The following KRIT1 variants were observed in gnomAD, a reference collection of about 807,000 sequenced individuals.
KRIT1 encodes the protein KRIT1 ankyrin repeat containing.
In KRIT1, 45 loss-of-function variants were observed where a neutral mutation model predicts 95.8. The ratio of observed to expected loss-of-function variants is 0.47; its 90% CI spans 0.37 to 0.60. The LOEUF is 0.60. KRIT1 is among the 20% of genes least tolerant of loss of function. KRIT1 has a pLI of 0.00. For missense variants in KRIT1, 788 were observed against 877.5 expected (o/e 0.90, Z 1.29); for synonymous variants, 282 against 278.8 (o/e 1.01, Z -0.11).
chr7:92,241,953 G>T, intron 4 of KRIT1, 81 bp downstream of exon 4: 1 of 824,694 alleles, frequency 1.2e-6, no homozygotes, highest in East Asian at 2.5e-5. Flanking sequence ...AACTTTACAA[G>T]ATATAATAAG....
chr7:92,203,506 CTCTTA>C (rs1271176174), intron 17 of KRIT1, among the ~76,000 whole-genome samples: 2 of 152,276 alleles, frequency 1.3e-5, no homozygotes, highest in East Asian at 3.9e-4. Flanking sequence ...GAAACTGAAC[CTCTTA>C]TCTAAGGAAA....
chr7:92,210,213 A>T (rs948191607), intron 17 of KRIT1, among the ~76,000 whole-genome samples: 9 of 152,342 alleles, frequency 5.9e-5, no homozygotes, highest in Admixed American at 5.9e-4. Flanking sequence ...TGGAATAACA[A>T]AAGATTCCAA....
intron 5 of KRIT1, 96 bp downstream of exon 5, chr7:92,240,897 A>G: frequency 1.0e-6 from 1 of 1,001,098 alleles, no homozygotes; most frequent in East Asian, 2.5e-5. Context: ...GTAAAGGAAC[A>G]TAAAAAGAAA....
chr7:92,223,132 T>C (rs567908024), intron 12 of KRIT1, among the ~76,000 whole-genome samples, 154 bp from the exon 13 acceptor site: 1 of 152,202 alleles, frequency 6.6e-6, no homozygotes, highest in Non-Finnish European at 1.5e-5. Context: ...TGGTGATATT[T>C]TAAAAACATT....
rs183052696 is a variant in KRIT1 at position 92,241,955 on chromosome 7, T to C, written c.102+79A>G. 1.5e-4 allele frequency: 129 copies of C among 835,738 alleles called. No homozygotes were observed. The East Asian group carries it at 2.7e-3, about 18-fold the overall frequency. 51.8% of individuals were successfully genotyped at this position (835,738 alleles called of 1,614,324 possible). ...GGCTTGTTAATACAACTTTACAAGA[T>C]ATAATAAGGCTTTATATGTGAATGA... On this transcript the variant is annotated intron_variant, in intron 4 of 18. Transcript: ENST00000394505.
chr7:92,212,576 T>C (rs1362927102), intron 17 of KRIT1, among the ~76,000 whole-genome samples: 1 of 152,162 alleles, frequency 6.6e-6, no homozygotes, highest in Non-Finnish European at 1.5e-5. Context: ...CATATGAGGC[T>C]ACAAGGAGAT....
Position 92,241,145 on chromosome 7 carries a change from A to G in KRIT1, c.110T>C (p.Leu37Ser), listed in dbSNP as rs757766540. The change falls in exon 5 of 19, where the codon TTG becomes TCG. Residue 37 changes from leucine to serine, a missense_variant. Leu to Ser is a moderately radical substitution (Grantham distance 145). Coordinates refer to ENST00000394505, the MANE Select transcript of KRIT1 (RefSeq NM_194454.3). ...EYRAKSYEIL[L>S]HEVPIEGQKK... ...CTGTCCTTCAATGGGAACTTCATGC[A>G]ACAAAATCTTAGATGAGAAAAACAT... The G allele has an allele frequency of 6.2e-7, 1 of 1,606,968 alleles. No homozygotes were observed. The highest frequency in any genetic ancestry group is 1.1e-5 in the South Asian group (1 of 90,804).
chr7:92,200,709 G>A lies in KRIT1; in HGVS notation c.*27C>T, dbSNP rs1394800763. The A allele has an allele frequency of 2.1e-6, 3 of 1,441,504 alleles. No homozygotes were observed. Among genetic ancestry groups the A allele is most frequent in the Admixed American group, 1.7e-5 (1 of 59,746 alleles). The allele number at this position is 1,441,504 out of a possible 1,614,324, so 89.3% of individuals were successfully genotyped here. A position where few individuals can be genotyped will look rare whatever the true frequency, so the allele number is the denominator to read the frequency against. On this transcript the variant is annotated 3_prime_UTR_variant, in exon 19 of 19. Coordinates refer to ENST00000394505, the MANE Select transcript of KRIT1 (RefSeq NM_194454.3). ...AAAAAACTCTGCATTACAAAATGTGGTGGCTTGAGTAACAGTTACTTCTCT... is the reference window on the plus strand; with the variant it reads ...AAAAAACTCTGCATTACAAAATGTGATGGCTTGAGTAACAGTTACTTCTCT...
Position 92,243,217 on chromosome 7 carries a change from C to T in KRIT1, c.-3+785G>A, listed in dbSNP as rs116033069. 3.3e-3 allele frequency among the ~76,000 whole-genome samples: 504 copies of T among 152,226 alleles called. 2 individuals are homozygous for T. Among genetic ancestry groups the T allele is most frequent in the African/African-American group, 0.011 (439 of 41,534 alleles). On this transcript the variant is annotated intron_variant, in intron 3 of 18. Coordinates refer to ENST00000394505, the MANE Select transcript of KRIT1 (RefSeq NM_194454.3). ...CCCACTAAATCTTAAGTCTCCATTG[C>T]GCAATTTCCAACAAGTGACTGAATT...
chr7:92,242,143 C>T lies in KRIT1; in HGVS notation c.-2-6G>A. The T allele has an allele frequency of 1.3e-6, 2 of 1,491,860 alleles. No individual in the cohort carries two copies. The highest frequency in any genetic ancestry group is 2.3e-5 in the South Asian group (2 of 87,778). The allele number at this position is 1,491,860 out of a possible 1,614,324, so 92.4% of individuals were successfully genotyped here. A position where few individuals can be genotyped will look rare whatever the true frequency, so the allele number is the denominator to read the frequency against. Reference sequence around the variant, plus strand: ...GTTTTCTGGATTTCCCATTGCTTTACAAAACAAATAAAAAAATCCTTTGAA... The same window carrying T: ...GTTTTCTGGATTTCCCATTGCTTTATAAAACAAATAAAAAAATCCTTTGAA... On this transcript the variant is annotated splice_region_variant and splice_polypyrimidine_tract_variant and intron_variant, in intron 3 of 18. Transcript: ENST00000394505.
At chr7:92,243,605 C>G (rs1292929726) in intron 3 of KRIT1, among the ~76,000 whole-genome samples, 5 of 152,230 alleles carry the variant, frequency 3.3e-5, no homozygotes, top group African/African-American at 1.2e-4. Flanking sequence ...AAATGTCACT[C>G]TGTAACTTTT....
upstream of KRIT1, chr7:92,245,939 T>C: frequency 4.0e-6 from 1 of 248,288 alleles, no homozygotes; most frequent in Non-Finnish European, 7.9e-6. Flanking sequence ...GTTCACACCC[T>C]TTGCAGCCTC....
intron 17 of KRIT1, among the ~76,000 whole-genome samples, chr7:92,208,903 G>C (rs1792152072): frequency 6.6e-6 from 1 of 151,508 alleles, no homozygotes; most frequent in Non-Finnish European, 1.5e-5. Context: ...AAGAAAACAA[G>C]AGTCCAACAG....
intron 17 of KRIT1, among the ~76,000 whole-genome samples, chr7:92,212,234 C>G (rs1793010564): frequency 6.6e-6 from 1 of 152,166 alleles, no homozygotes; most frequent in African/African-American, 2.4e-5. Flanking sequence ...GGTTCTTGTA[C>G]TAATTCTAAT....
rs550533414 is a variant in KRIT1 at position 92,242,144 on chromosome 7, A to C, written c.-2-7T>G. On this transcript the variant is annotated splice_region_variant and splice_polypyrimidine_tract_variant and intron_variant, in intron 3 of 18. Coordinates refer to ENST00000394505, the MANE Select transcript of KRIT1 (RefSeq NM_194454.3). Reference sequence around the variant, plus strand: ...TTTTCTGGATTTCCCATTGCTTTACAAAACAAATAAAAAAATCCTTTGAAA... The same window carrying C: ...TTTTCTGGATTTCCCATTGCTTTACCAAACAAATAAAAAAATCCTTTGAAA... The C allele has an allele frequency of 1.4e-6, 2 of 1,441,554 alleles. No individual in the cohort carries two copies. The highest frequency in any genetic ancestry group is 2.8e-5 in the African/African-American group (2 of 71,736). 89.3% of individuals were successfully genotyped at this position (1,441,554 alleles called of 1,614,324 possible).
chr7:92,232,633 T>G (rs1328080464), intron 10 of KRIT1, among the ~76,000 whole-genome samples: 1 of 152,178 alleles, frequency 6.6e-6, no homozygotes, highest in Non-Finnish European at 1.5e-5. Flanking sequence ...GTATACTTTT[T>G]TGGAATCTGA....
chr7:92,222,001 T>C lies in KRIT1; in HGVS notation c.1464A>G (p.Pro488=). Residue 488 remains proline (P), a synonymous_variant, in exon 14 of 19, where the codon CCA becomes CCG. Coordinates refer to ENST00000394505, the MANE Select transcript of KRIT1 (RefSeq NM_194454.3). ...GATTAGTCAATTCAGCAAGTATTTC[T>C]GGCCAGTCACGAACATGTTGCAAGG... The part of the protein sequence containing the change: ...HKPLQHVRDW[P]EILAELTNLD... 1 of 1,613,668 alleles carries C rather than the reference T, an allele frequency of 6.2e-7. No homozygotes were observed. The highest frequency in any genetic ancestry group is 2.2e-5 in the East Asian group (1 of 44,844).
At chr7:92,212,266 G>A (rs1793014053) in intron 17 of KRIT1, among the ~76,000 whole-genome samples, 1 of 152,120 alleles carries the variant, frequency 6.6e-6, no homozygotes. Context: ...AAGCCCTTGT[G>A]TCACATATAA....
At chr7:92,219,883 G>T (rs960362599) in intron 14 of KRIT1, among the ~76,000 whole-genome samples, 3 of 152,146 alleles carry the variant, frequency 2.0e-5, no homozygotes, top group Admixed American at 6.6e-5. Context: ...TTTATTCTTA[G>T]ATGCTATTTT....
Sources: allele counts gnomAD v4.1 joint callset (sites outside exome capture counted in the v4.1 genomes callset), GRCh38; gene constraint gnomAD v4.1.1; transcripts MANE v1.5; gene names NCBI Gene and HGNC (gene_info 2026-07-23, HGNC 2026-07-21).